SAMMSON: variants seen among roughly 807,000 people sequenced by gnomAD.
SAMMSON encodes the protein survival associated mitochondrial melanoma specific oncogenic non-coding RNA, also known as long intergenic non-protein coding RNA 1212.
intron 6 of SAMMSON, among the ~76,000 whole-genome samples, chr3:70,288,825 GT>G (rs1247602950): frequency 2.6e-5 from 4 of 151,668 alleles, no homozygotes; most frequent in African/African-American, 9.7e-5. Context: ...GGCCTTCTTT[GT>G]CTGTTTTGAT....
intron 3 of SAMMSON, among the ~76,000 whole-genome samples, chr3:70,036,059 A>G (rs1466279068): frequency 1.3e-5 from 2 of 152,186 alleles, no homozygotes; most frequent in Non-Finnish European, 2.9e-5. Flanking sequence ...CAGTCAGATA[A>G]AATGGTTTTA....
At chr3:70,103,628 A>G (rs759766332) in intron 4 of SAMMSON, among the ~76,000 whole-genome samples, 16 of 152,194 alleles carry the variant, frequency 1.1e-4, no homozygotes, top group Non-Finnish European at 1.9e-4. Flanking sequence ...TGGGAGCAGG[A>G]AACTTACTAC....
rs75647457 is a variant in SAMMSON at position 70,358,783 on chromosome 3, C to T, written n.913+459C>T. 7.9e-3 allele frequency among the ~76,000 whole-genome samples: 1,202 copies of T among 151,962 alleles called. 18 individuals carry two copies. Among genetic ancestry groups the T allele is most frequent in the African/African-American group, 0.028 (1,162 of 41,452 alleles). ...TAATTTCCTGGCAAGAAGTATTATT[C>T]TTCAAAAGTTTGATTACTTTCTTCA... On this transcript the variant is annotated intron_variant and non_coding_transcript_variant, in intron 9 of 9. Coordinates refer to ENST00000642114, the Ensembl canonical transcript of SAMMSON.
At chr3:70,024,361 CAT>C (rs1271761240) in intron 3 of SAMMSON, among the ~76,000 whole-genome samples, 1 of 152,146 alleles carries the variant, frequency 6.6e-6, no homozygotes, top group Non-Finnish European at 1.5e-5. Context: ...ATTAGGCAGA[CAT>C]ATAATTTCTG....
chr3:70,072,276 T>C (rs967939580), intron 4 of SAMMSON: 1 of 151,988 alleles, frequency 6.6e-6, no homozygotes, highest in African/African-American at 2.4e-5. Flanking sequence ...TCTTAATTCC[T>C]GAAATGAAAA....
At chr3:70,059,013 A>T (rs553420068) in intron 3 of SAMMSON, among the ~76,000 whole-genome samples, 76 of 152,146 alleles carry the variant, frequency 5.0e-4, no homozygotes, top group Non-Finnish European at 9.3e-4. Flanking sequence ...AGGCTAGTTG[A>T]CCTGTTTAAG....
chr3:70,374,045 G>T (rs1462672523), intron 9 of SAMMSON, among the ~76,000 whole-genome samples: 4 of 152,110 alleles, frequency 2.6e-5, no homozygotes, highest in Non-Finnish European at 5.9e-5. Flanking sequence ...CTCTGGAGTA[G>T]CTGCGATTAG....
intron 9 of SAMMSON, among the ~76,000 whole-genome samples, chr3:70,362,128 T>C (rs1049046837): frequency 2.6e-5 from 4 of 152,198 alleles, no homozygotes; most frequent in Non-Finnish European, 4.4e-5. Flanking sequence ...ATTCTTTAAA[T>C]ATACTTGAAG....
intron 9 of SAMMSON, among the ~76,000 whole-genome samples, chr3:70,373,506 T>C (rs550259109): frequency 2.0e-5 from 3 of 152,190 alleles, no homozygotes; most frequent in Non-Finnish European, 4.4e-5. Context: ...TGTATGTTTA[T>C]GTCTTGTGCT....
At chr3:70,155,124 C>T (rs1050201356) in intron 4 of SAMMSON, among the ~76,000 whole-genome samples, 3 of 151,800 alleles carry the variant, frequency 2.0e-5, no homozygotes, top group Admixed American at 2.0e-4. Flanking sequence ...TCTCAAAATG[C>T]TATAATAGGT....
intron 4 of SAMMSON, among the ~76,000 whole-genome samples, chr3:70,184,526 AT>A (rs776014038): frequency 2.7e-4 from 41 of 152,210 alleles, no homozygotes; most frequent in Non-Finnish European, 5.0e-4. Flanking sequence ...ATAGAAGTTT[AT>A]TATGAAAATT....
chr3:70,104,971 A>AT (rs1323131242), intron 4 of SAMMSON, among the ~76,000 whole-genome samples: 3 of 152,166 alleles, frequency 2.0e-5, no homozygotes, highest in Admixed American at 6.5e-5. Flanking sequence ...TTATGTGTGA[A>AT]TTTGGGGGGA....
chr3:70,321,792 T>C (rs1247093350), intron 7 of SAMMSON, among the ~76,000 whole-genome samples: 1 of 151,946 alleles, frequency 6.6e-6, no homozygotes, highest in East Asian at 1.9e-4. Context: ...AACTAAAATA[T>C]GCTAGAAAAC....
rs992927160 is a variant in SAMMSON, at chr3:70,092,243, G to GT, written n.507+20688dup. Among the ~76,000 whole-genome samples, 121 of 148,794 alleles carry GT rather than the reference G, an allele frequency of 8.1e-4. 1 individual carries two copies. The East Asian group carries it at 0.017, about 21-fold the overall frequency. On this transcript the variant is annotated intron_variant and non_coding_transcript_variant, in intron 4 of 9. Coordinates refer to ENST00000642114, the Ensembl canonical transcript of SAMMSON. ...GCTCCTGAAGCTATATATAGTTTTA[G>GT]TTTTTTTTTTAATTTTTAAGTTTTG...
At chr3:70,306,274 G>A (rs1029571466) in intron 7 of SAMMSON, among the ~76,000 whole-genome samples, 1 of 151,910 alleles carries the variant, frequency 6.6e-6, no homozygotes, top group Non-Finnish European at 1.5e-5. Flanking sequence ...TGGCTAGCCC[G>A]GCTAATTTCT....
intron 7 of SAMMSON, among the ~76,000 whole-genome samples, chr3:70,292,475 A>T (rs191493092): frequency 5.8e-4 from 89 of 152,152 alleles, no homozygotes; most frequent in Non-Finnish European, 1.1e-3. Flanking sequence ...AAATCAGGAA[A>T]CAATCGTAAA....
At chr3:70,290,846 C>G (rs1187137910) in intron 6 of SAMMSON, among the ~76,000 whole-genome samples, 1 of 152,160 alleles carries the variant, frequency 6.6e-6, no homozygotes, top group Non-Finnish European at 1.5e-5. Flanking sequence ...TCACCCCTTT[C>G]TTTGACTAGG....
At chr3:70,281,304 A>G (rs1702079971) in intron 6 of SAMMSON, among the ~76,000 whole-genome samples, 1 of 152,154 alleles carries the variant, frequency 6.6e-6, no homozygotes, top group African/African-American at 2.4e-5. Context: ...TGGTTACAGG[A>G]AGGCATTCAG....
intron 4 of SAMMSON, among the ~76,000 whole-genome samples, chr3:70,207,273 A>G (rs896936084): frequency 3.3e-5 from 5 of 152,098 alleles, no homozygotes; most frequent in Admixed American, 2.0e-4. Context: ...AAAAATGCAT[A>G]TAAATGAATA....
Sources: gnomAD v4.1 joint callset for allele counts (sites outside exome capture counted in the v4.1 genomes callset) on GRCh38, gnomAD v4.1.1 for gene constraint, MANE v1.5 for transcripts, NCBI Gene and HGNC (gene_info 2026-07-23, HGNC 2026-07-21) for gene names.